Variants in TET3 observed in about 807,000 individuals in gnomAD.
TET3 encodes methylcytosine dioxygenase TET3.
A neutral mutation model predicts 141.4 loss-of-function variants in TET3; 19 were observed. The ratio of observed to expected loss-of-function variants is 0.13; its 90% CI spans 0.09 to 0.20. The LOEUF is 0.20. TET3 is among the 10% of genes least tolerant of loss of function. The pLI, the probability that TET3 is intolerant of heterozygous loss-of-function variation, is 1.00. For synonymous variants in TET3, 1,043 were observed against 980.9 expected, an observed-to-expected ratio of 1.06 and a Z score of -1.18; for missense variants, 1,874 against 2,356.9, an observed-to-expected ratio of 0.80 and a Z score of 4.24.
At chr2:74,030,976 G>A (rs910335625) in intron 3 of TET3, among the ~76,000 whole-genome samples, 9 of 152,108 alleles carry the variant, frequency 5.9e-5, no homozygotes, top group Non-Finnish European at 1.3e-4. Flanking sequence ...TTTTGTAAAG[G>A]GATGTCCGGG....
chr2:74,130,813 A>G, the TET3 span: 4 of 152,250 alleles, frequency 2.6e-5, no homozygotes, highest in Non-Finnish European at 5.9e-5. Flanking sequence ...CAGGACAGGC[A>G]TCTTCTGCGC....
At chr2:74,121,325 A>C in the TET3 span, 1 of 152,146 alleles carries the variant, frequency 6.6e-6, no homozygotes, top group Non-Finnish European at 1.5e-5. Context: ...GAAAGAGGAT[A>C]GTGAGAATGA....
chr2:74,038,597 A>G (rs1012247136), intron 3 of TET3, among the ~76,000 whole-genome samples: 3 of 152,210 alleles, frequency 2.0e-5, no homozygotes, highest in Non-Finnish European at 4.4e-5. Context: ...AATGGGTGCC[A>G]TAATAGCAGA....
Position 74,037,230 on chromosome 2 carries a change from C to T in TET3, c.361-9048C>T, listed in dbSNP as rs118014960. On this transcript the variant is annotated intron_variant, in intron 3 of 11. Coordinates refer to ENST00000409262, the MANE Select transcript of TET3 (RefSeq NM_001287491.2). Reference sequence around the variant, plus strand: ...GTTCCCCTAAAACTCTCTTTCTGCACTCGCTTATTAGTTTTATCAATAAAT... The same window carrying T: ...GTTCCCCTAAAACTCTCTTTCTGCATTCGCTTATTAGTTTTATCAATAAAT... Among the ~76,000 whole-genome samples the T allele has an allele frequency of 1.0e-3, 157 of 152,352 alleles. 1 individual carries two copies. In the East Asian group the frequency reaches 0.029, roughly 28 times the overall value.
intron 3 of TET3, among the ~76,000 whole-genome samples, chr2:74,033,823 C>T (rs988604025): frequency 4.6e-5 from 7 of 152,200 alleles, no homozygotes; most frequent in African/African-American, 1.7e-4. Context: ...TGGCTGGGCA[C>T]GGTGGCTCAC....
chr2:74,059,902 A>T (rs1688412323), intron 4 of TET3, among the ~76,000 whole-genome samples: 1 of 152,118 alleles, frequency 6.6e-6, no homozygotes, highest in Non-Finnish European at 1.5e-5. Flanking sequence ...CATTTTTTGA[A>T]TACACCACAG....
chr2:74,069,151 T>C (rs964805287), intron 4 of TET3, among the ~76,000 whole-genome samples: 23 of 151,970 alleles, frequency 1.5e-4, no homozygotes, highest in Non-Finnish European at 1.0e-4. Context: ...TTTAATTTTT[T>C]TTTTTATTTT....
At chr2:74,040,637 C>CATGGG (rs1687291613) in intron 3 of TET3, among the ~76,000 whole-genome samples, 3 of 152,074 alleles carry the variant, frequency 2.0e-5, no homozygotes, top group Admixed American at 6.5e-5. Context: ...TTAGACCAGG[C>CATGGG]ATGGGGGCTC....
chr2:74,134,578 T>C, the TET3 span: 1 of 407,670 alleles, frequency 2.5e-6, no homozygotes, highest in South Asian at 1.8e-5. Flanking sequence ...GGCAAAGGAG[T>C]GTGAGAGAGG....
chr2:74,016,788 CTTTT>C (rs1157485325), intron 3 of TET3, among the ~76,000 whole-genome samples: 3 of 122,474 alleles, frequency 2.4e-5, no homozygotes, highest in Non-Finnish European at 3.4e-5. Flanking sequence ...GTTCTCCTGT[CTTTT>C]TTTTTTTTTT....
rs1214974222 is a variant in TET3, at chr2:74,103,780, T to C, written c.*1604T>C. 1 of 153,688 alleles carries C rather than the reference T, an allele frequency of 6.5e-6. No individual in the cohort carries two copies. Among genetic ancestry groups the C allele is most frequent in the Non-Finnish European group, 1.5e-5 (1 of 68,026 alleles). The allele number at this position is 153,688 out of a possible 1,614,324, so 9.5% of individuals were successfully genotyped here. A position where few individuals can be genotyped will look rare whatever the true frequency, so the allele number is the denominator to read the frequency against. On this transcript the variant is annotated 3_prime_UTR_variant, in exon 12 of 12. Transcript: ENST00000409262. The stretch of plus-strand genomic sequence containing the variant: ...AGCAGAAATGATCTCATGCTAGCCA[T>C]GTGGATGTGTGTGTGGTGAATGGGG...
the TET3 span, chr2:74,122,486 C>CAT: frequency 1.9e-3 from 165 of 89,104 alleles, no homozygotes; most frequent in East Asian, 6.2e-3. Flanking sequence ...TATATAAATA[C>CAT]ATACATATAT....
chr2:74,112,703 T>C (rs1304933706), downstream of TET3, among the ~76,000 whole-genome samples: 1 of 152,028 alleles, frequency 6.6e-6, no homozygotes, highest in Non-Finnish European at 1.5e-5. Context: ...TTCAAAAAGA[T>C]TAAAAATACC....
intron 3 of TET3, among the ~76,000 whole-genome samples, chr2:74,019,706 A>G (rs1438937556): frequency 6.6e-6 from 1 of 152,346 alleles, no homozygotes; most frequent in African/African-American, 2.4e-5. Flanking sequence ...CAGAATCTCA[A>G]GCAGCCCTGG....
At chr2:74,014,356 C>T (rs183386979) in intron 3 of TET3, among the ~76,000 whole-genome samples, 3 of 151,836 alleles carry the variant, frequency 2.0e-5, no homozygotes, top group African/African-American at 7.3e-5. Flanking sequence ...GATGATATAC[C>T]CAGCATGAGA....
downstream of TET3, among the ~76,000 whole-genome samples, chr2:74,113,006 CAAAAAAAAAAAA>C (rs60299737): frequency 5.8e-5 from 2 of 34,398 alleles, no homozygotes; most frequent in Non-Finnish European, 1.1e-4. Flanking sequence ...GACTCCGTCT[CAAAAAAAAAAAA>C]AAAAAAAAAA....
rs188398261 is a variant in TET3, at chr2:74,003,284, T to C, written c.360+118T>C. The C allele has an allele frequency of 2.2e-6, 3 of 1,341,852 alleles. No homozygotes were observed. The Admixed American group carries it at 6.7e-5, about 30-fold the overall frequency. The allele number at this position is 1,341,852 out of a possible 1,614,324, so 83.1% of individuals were successfully genotyped here. A position where few individuals can be genotyped will look rare whatever the true frequency, so the allele number is the denominator to read the frequency against. On this transcript the variant is annotated intron_variant, in intron 3 of 11. Transcript: ENST00000409262. The stretch of plus-strand genomic sequence containing the variant: ...TGATCCCTTAATCTCCCACTGTGTG[T>C]GTAGCAGCAGCTGAGGGGGAGGGGC...
At chr2:74,030,440 G>A (rs1364231289) in intron 3 of TET3, among the ~76,000 whole-genome samples, 1 of 152,034 alleles carries the variant, frequency 6.6e-6, no homozygotes, top group East Asian at 1.9e-4. Context: ...ACCAAACCAA[G>A]CCCCTCATAC....
intron 8 of TET3, among the ~76,000 whole-genome samples, chr2:74,092,373 A>G (rs944348298): frequency 6.6e-6 from 1 of 152,128 alleles, no homozygotes; most frequent in Non-Finnish European, 1.5e-5. Flanking sequence ...ATTACGTAGT[A>G]CGAGTCTAGC....
Sources: allele counts gnomAD v4.1 joint callset (sites outside exome capture counted in the v4.1 genomes callset), GRCh38; gene constraint gnomAD v4.1.1; transcripts MANE v1.5; gene names NCBI Gene and HGNC (gene_info 2026-07-23, HGNC 2026-07-21).